The following ADAM10 variants were observed in gnomAD, a reference collection of about 807,000 sequenced individuals.
ADAM10 encodes disintegrin and metalloproteinase domain-containing protein 10.
In ADAM10, 17 loss-of-function variants were observed where a neutral mutation model predicts 90.1. The observed-to-expected ratio is 0.19, with a 90% confidence interval of 0.13 to 0.28. ADAM10 has a LOEUF of 0.28. ADAM10 is among the 10% of genes least tolerant of loss of function. The pLI is 1.00. For synonymous variants in ADAM10, 310 were observed against 298.6 expected (o/e 1.04, Z -0.40); for missense variants, 610 against 914.3 (o/e 0.67, Z 4.29).
intron 7 of ADAM10, among the ~76,000 whole-genome samples, chr15:58,641,685 G>C (rs1896420347): frequency 6.6e-6 from 1 of 152,150 alleles, no homozygotes; most frequent in Non-Finnish European, 1.5e-5. Context: ...TTAAACAAAA[G>C]CTTTTATTTA....
intron 1 of ADAM10, among the ~76,000 whole-genome samples, chr15:58,726,823 T>C (rs1380847215): frequency 6.7e-6 from 1 of 150,346 alleles, no homozygotes; most frequent in Non-Finnish European, 1.5e-5. Context: ...TGATCACATT[T>C]GTGAACGGCC....
At chr15:58,721,243 G>C (rs1201330644) in intron 1 of ADAM10, among the ~76,000 whole-genome samples, 2 of 152,158 alleles carry the variant, frequency 1.3e-5, no homozygotes, top group Admixed American at 1.3e-4. Flanking sequence ...AAAGACCTGA[G>C]TAATGATTTT....
intron 4 of ADAM10, among the ~76,000 whole-genome samples, chr15:58,675,933 A>C (rs1409652857): frequency 6.6e-6 from 1 of 152,222 alleles, no homozygotes; most frequent in Non-Finnish European, 1.5e-5. Context: ...ACCAAATCCA[A>C]TTAAGAACAT....
chr15:58,609,627 A>G (rs1895381394), intron 14 of ADAM10: 1 of 154,344 alleles, frequency 6.5e-6, no homozygotes, highest in African/African-American at 2.4e-5. Flanking sequence ...CACATTCTCA[A>G]ATATATCATT....
intron 2 of ADAM10, among the ~76,000 whole-genome samples, chr15:58,703,291 C>CAAAAAAAA (rs542156053): frequency 2.6e-5 from 2 of 76,394 alleles, no homozygotes; most frequent in African/African-American, 4.5e-5. Context: ...GGTATTCCCT[C>CAAAAAAAA]AAAAAAAAAA....
intron 7 of ADAM10, among the ~76,000 whole-genome samples, chr15:58,642,879 A>G (rs1212434740): frequency 1.3e-5 from 2 of 152,200 alleles, no homozygotes; most frequent in African/African-American, 4.8e-5. Flanking sequence ...ATCATATTTC[A>G]CCTTAAGAAA....
chr15:58,745,037 G>A (rs1353954185), intron 1 of ADAM10, among the ~76,000 whole-genome samples: 1 of 152,196 alleles, frequency 6.6e-6, no homozygotes, highest in East Asian at 1.9e-4. Flanking sequence ...ACAAAAATTA[G>A]CCAGGCGTGG....
At chr15:58,655,711 G>T (rs28857581) in intron 5 of ADAM10, among the ~76,000 whole-genome samples, 982 of 53,678 alleles carry the variant, frequency 0.018, 73 homozygotes, top group African/African-American at 0.074. Flanking sequence ...TATATATATA[G>T]TATATATATA....
At chr15:58,740,876 C>T (rs1402348671) in intron 1 of ADAM10, among the ~76,000 whole-genome samples, 1 of 152,076 alleles carries the variant, frequency 6.6e-6, no homozygotes, top group East Asian at 1.9e-4. Flanking sequence ...TAATGATGTT[C>T]TAATATTCCA....
chr15:58,749,643 G>A lies in ADAM10; in HGVS notation c.-109C>T, dbSNP rs987395158. On this transcript the variant is annotated 5_prime_UTR_variant, in exon 1 of 16. Coordinates refer to ENST00000260408, the MANE Select transcript of ADAM10 (RefSeq NM_001110.4). ...GGTCCGGAGCCTCCACGGGAAGCCGGGACCTCCCCTGGCAGGAGAAACGGC... is the reference window on the plus strand; with the variant it reads ...GGTCCGGAGCCTCCACGGGAAGCCGAGACCTCCCCTGGCAGGAGAAACGGC... 39 of 1,526,562 alleles carry A rather than the reference G, an allele frequency of 2.6e-5. No individual in the cohort carries two copies. The African/African-American group carries it at 4.7e-4, about 19-fold the overall frequency. The allele number at this position is 1,526,562 out of a possible 1,614,324, so 94.6% of individuals were successfully genotyped here.
chr15:58,651,608 A>T (rs1257219170), intron 5 of ADAM10, among the ~76,000 whole-genome samples: 2 of 152,208 alleles, frequency 1.3e-5, no homozygotes, highest in Non-Finnish European at 2.9e-5. Flanking sequence ...TTTTATGGCT[A>T]AATAGTATTC....
At chr15:58,643,713 G>A (rs1896472648) in intron 7 of ADAM10, among the ~76,000 whole-genome samples, 173 bp downstream of exon 7, 1 of 152,002 alleles carries the variant, frequency 6.6e-6, no homozygotes, top group African/African-American at 2.4e-5. Flanking sequence ...CCAAGTATCT[G>A]TGTGTGTGTG....
intron 1 of ADAM10, chr15:58,747,313 G>A (rs1327477994): frequency 6.6e-6 from 1 of 152,190 alleles, no homozygotes; most frequent in Non-Finnish European, 1.5e-5. Flanking sequence ...TACAGAGCAA[G>A]AAAAATTTCA....
chr15:58,719,127 C>T (rs1373145590), intron 1 of ADAM10, among the ~76,000 whole-genome samples: 2 of 152,038 alleles, frequency 1.3e-5, no homozygotes, highest in African/African-American at 4.8e-5. Context: ...AGTTCGAGAC[C>T]AGCCTGACCA....
rs998603087 is a variant in ADAM10 at position 58,633,050 on chromosome 15, G to C, written c.1176+146C>G. ...AAACATTCTATCTTCCTCCCTTTCAGTATGGTCAAATACATTACTGTGCTC... is the reference window on the plus strand; with the variant it reads ...AAACATTCTATCTTCCTCCCTTTCACTATGGTCAAATACATTACTGTGCTC... On this transcript the variant is annotated intron_variant, in intron 9 of 15. Transcript: ENST00000260408. 1.0e-5 allele frequency: 8 copies of C among 764,444 alleles called. No homozygotes were observed. In the African/African-American group the frequency reaches 1.2e-4, roughly 12 times the overall value. The allele number at this position is 764,444 out of a possible 1,614,324, so 47.4% of individuals were successfully genotyped here.
chr15:58,647,533 GGATTACA>G (rs1202614804), intron 5 of ADAM10, among the ~76,000 whole-genome samples: 6 of 151,166 alleles, frequency 4.0e-5, no homozygotes, highest in African/African-American at 1.5e-4. Flanking sequence ...CAAAGTGCTA[GGATTACA>G]GAGCCACCAC....
Position 58,737,855 on chromosome 15 carries a change from G to GA in ADAM10, c.55+11624dup, listed in dbSNP as rs199937448. Among the ~76,000 whole-genome samples the GA allele has an allele frequency of 5.8e-3, 889 of 152,200 alleles. 8 individuals are homozygous for GA. The highest frequency in any genetic ancestry group is 0.02 in the African/African-American group (846 of 41,532). ...AATGAAAATTTCATTAACATCAGGA[G>GA]AAAAAACAAAGAATAACTCTCTGAT... On this transcript the variant is annotated intron_variant, in intron 1 of 15. Transcript: ENST00000260408.
At chr15:58,657,937 A>G (rs1272416676) in intron 5 of ADAM10, among the ~76,000 whole-genome samples, 1 of 150,568 alleles carries the variant, frequency 6.6e-6, no homozygotes, top group African/African-American at 2.4e-5. Context: ...ACTATTCTGG[A>G]AAAAAGCCTT....
chr15:58,666,734 T>C (rs1445206410), intron 4 of ADAM10, among the ~76,000 whole-genome samples: 2 of 152,170 alleles, frequency 1.3e-5, no homozygotes, highest in Non-Finnish European at 2.9e-5. Context: ...AGAATTAGTG[T>C]TTTATTTCTT....
Sources: allele counts gnomAD v4.1 joint callset (sites outside exome capture counted in the v4.1 genomes callset), GRCh38; gene constraint gnomAD v4.1.1; transcripts MANE v1.5; gene names NCBI Gene and HGNC (gene_info 2026-07-23, HGNC 2026-07-21).